FKBP7: variants seen among roughly 807,000 people sequenced by gnomAD.
FKBP7 encodes the protein FKBP prolyl isomerase 7.
Under a neutral mutation model 24.3 loss-of-function variants are expected in FKBP7, and 24 were observed. The observed-to-expected ratio is 0.99, with a 90% CI of 0.72 to 1.39. FKBP7 has a LOEUF of 1.39. Ranked by LOEUF, FKBP7 falls within the 40% of genes most tolerant of loss-of-function variation. The probability of loss-of-function intolerance (pLI) is 0.00; values close to 1 mark genes in which losing one functional copy is unlikely to be tolerated. For synonymous variants in FKBP7, 98 were observed against 92.8 expected (o/e 1.06, Z -0.32); for missense variants, 257 against 269.5 (o/e 0.95, Z 0.33).
chr2:178,475,380 C>G (rs1684971026), intron 2 of FKBP7, among the ~76,000 whole-genome samples: 1 of 152,200 alleles, frequency 6.6e-6, no homozygotes, highest in Admixed American at 6.5e-5. Context: ...CAGGCACACT[C>G]TACCACACCC....
chr2:178,471,465 G>A lies in FKBP7; in HGVS notation c.374-1680C>T, dbSNP rs7572713. ...TGACCTCAAAGGATCCACCCACCTTGGCCTCCCAAAGTGCTGGGATTACAG... is the reference window on the plus strand; with the variant it reads ...TGACCTCAAAGGATCCACCCACCTTAGCCTCCCAAAGTGCTGGGATTACAG... On this transcript the variant is annotated intron_variant, in intron 2 of 3. Coordinates refer to ENST00000424785, the MANE Select transcript of FKBP7 (RefSeq NM_181342.3). Among the ~76,000 whole-genome samples the A allele has an allele frequency of 9.7e-3, 1,469 of 152,206 alleles. 21 individuals carry two copies. Among genetic ancestry groups the A allele is most frequent in the African/African-American group, 0.034 (1,405 of 41,524 alleles).
chr2:178,473,090 C>G lies in FKBP7; in HGVS notation c.374-3305G>C, dbSNP rs1293320562. On this transcript the variant is annotated intron_variant, in intron 2 of 3. Transcript: ENST00000424785. ...GCATTTCAAGACATGCAGGGTTGTT[C>G]TGTGACATGAGACAAGGATATTTTG... The G allele has an allele frequency of 3.8e-6, 5 of 1,305,174 alleles. No homozygotes were observed. In the African/African-American group the frequency reaches 6.1e-5, roughly 16 times the overall value. The allele number at this position is 1,305,174 out of a possible 1,614,324, so 80.8% of individuals were successfully genotyped here.
intron 2 of FKBP7, among the ~76,000 whole-genome samples, chr2:178,475,418 C>T (rs1312069720): frequency 8.5e-5 from 13 of 152,062 alleles, no homozygotes; most frequent in Middle Eastern, 3.4e-3. Context: ...TTAGTGGAGA[C>T]GGGGTTTCAC....
intron 3 of FKBP7, among the ~76,000 whole-genome samples, chr2:178,466,229 G>T (rs1286293338): frequency 6.6e-6 from 1 of 152,108 alleles, no homozygotes; most frequent in African/African-American, 2.4e-5. Flanking sequence ...AATCCATGCT[G>T]TTCCTATTAT....
intron 3 of FKBP7, 125 bp from the exon 4 acceptor site, chr2:178,466,056 A>G: frequency 1.3e-6 from 1 of 748,258 alleles, no homozygotes. Context: ...ATACAACAGT[A>G]TGAAAAGCTA....
chr2:178,478,394 T>C lies in FKBP7; in HGVS notation c.106A>G (p.Lys36Glu), dbSNP rs1685074377. The C allele has an allele frequency of 6.2e-7, 1 of 1,614,236 alleles. No homozygotes were observed. Among genetic ancestry groups the C allele is most frequent in the African/African-American group, 1.3e-5 (1 of 75,056 alleles). ...QKKEESTEEV[K>E]IEVLHRPENC... Reference sequence around the variant, plus strand: ...TCTGGACGATGCAAAACTTCTATTTTCACTTCTTCGGTGCTCTCCTCTTTC... The same window carrying C: ...TCTGGACGATGCAAAACTTCTATTTCCACTTCTTCGGTGCTCTCCTCTTTC... The change falls in exon 1 of 4, where the codon AAA becomes GAA. Residue 36 changes from lysine to glutamate, a missense_variant. Physicochemically the swap from Lys to Glu is moderately conservative, Grantham distance 56 (BLOSUM62 1). Coordinates refer to ENST00000424785, the MANE Select transcript of FKBP7 (RefSeq NM_181342.3).
Position 178,465,912 on chromosome 2 carries a change from C to T in FKBP7, c.527G>A (p.Arg176Lys). 1.2e-6 allele frequency: 2 copies of T among 1,603,728 alleles called. No homozygotes were observed. Among genetic ancestry groups the T allele is most frequent in the Non-Finnish European group, 1.7e-6 (2 of 1,176,798 alleles). ...SKAEINLYLQ[R>K]EFEKDEKPRD... ...TGGCTTCTCATCTTTTTCAAATTCC[C>T]TTTGCAAGTAGAGGTTTATCTGGAA... Residue 176 changes from arginine to lysine, a missense_variant, in exon 4 of 4, where the codon AGG (arginine) becomes AAG (lysine). By Grantham distance (26) the Arg-to-Lys change is conservative. Transcript: ENST00000424785.
rs1047304387 is a variant in FKBP7, at chr2:178,464,540, T to C, written c.*1230A>G. ...ACACTTATAAAACCATCAGATTGCA[T>C]GAGAACAGCACGGGGAAAACCACCC... is the stretch of plus-strand genomic sequence containing the variant. On this transcript the variant is annotated 3_prime_UTR_variant, in exon 4 of 4. Coordinates refer to ENST00000424785, the MANE Select transcript of FKBP7 (RefSeq NM_181342.3). 6.6e-6 allele frequency: 1 copy of C among 152,184 alleles called. No individual in the cohort carries two copies. The highest frequency in any genetic ancestry group is 1.5e-5 in the Non-Finnish European group (1 of 68,040). 9.4% of individuals were successfully genotyped at this position (152,184 alleles called of 1,614,324 possible). A position where few individuals can be genotyped will look rare whatever the true frequency, so the allele number is the denominator to read the frequency against.
chr2:178,469,530 C>A (rs2154126754), intron 3 of FKBP7, 122 bp downstream of exon 3: 1 of 998,650 alleles, frequency 1.0e-6, no homozygotes, highest in East Asian at 2.5e-5. Flanking sequence ...TAGTGACCAG[C>A]TCTATAAAAG....
chr2:178,474,243 A>G (rs115021356), intron 2 of FKBP7, among the ~76,000 whole-genome samples: 1,719 of 152,326 alleles, frequency 0.011, 35 homozygotes, highest in African/African-American at 0.039. Flanking sequence ...TTCTTTCTGT[A>G]TAGCCTTCAA....
In FKBP7 at chr2:178,478,591, C is replaced by A; in HGVS notation, c.-92G>T. The A allele has an allele frequency of 1.3e-6, 2 of 1,560,574 alleles. No individual in the cohort carries two copies. Among genetic ancestry groups the A allele is most frequent in the Admixed American group, 3.8e-5 (2 of 52,650 alleles). On this transcript the variant is annotated 5_prime_UTR_variant, in exon 1 of 4. Coordinates refer to ENST00000424785, the MANE Select transcript of FKBP7 (RefSeq NM_181342.3). ...AGTTCCGACGCGTGGCAGGCGTTGTCCTGCGTCACAAAGGGCCGGGGCGGG... is the reference window on the plus strand; with the variant it reads ...AGTTCCGACGCGTGGCAGGCGTTGTACTGCGTCACAAAGGGCCGGGGCGGG...
At position 178,469,641 on chromosome 2, in the gene FKBP7, GT is replaced by G. The variant is rs753192581; in HGVS notation, c.507+10del. ...AAATTAGACTATACACATGAAATTG[GT>G]TTGAATTACCTCGGCTTTAGAGAGC... On this transcript the variant is annotated intron_variant, in intron 3 of 3. Transcript: ENST00000424785. 38 of 1,613,030 alleles carry G rather than the reference GT, an allele frequency of 2.4e-5. No individual in the cohort carries two copies. The East Asian group carries it at 8.5e-4, about 36-fold the overall frequency.
At chr2:178,468,495 A>AC (rs762287619) in intron 3 of FKBP7, among the ~76,000 whole-genome samples, 1 of 152,038 alleles carries the variant, frequency 6.6e-6, no homozygotes, top group South Asian at 2.1e-4. Context: ...TCTTAAAAAA[A>AC]AAAAAAAAAT....
chr2:178,474,810 C>T (rs1337035111), intron 2 of FKBP7, among the ~76,000 whole-genome samples: 1 of 152,160 alleles, frequency 6.6e-6, no homozygotes, highest in Non-Finnish European at 1.5e-5. Flanking sequence ...ATCTCAGCCC[C>T]CTGAGTAGTT....
At chr2:178,473,621 G>A (rs899123599) in intron 2 of FKBP7, among the ~76,000 whole-genome samples, 1 of 152,240 alleles carries the variant, frequency 6.6e-6, no homozygotes, top group Non-Finnish European at 1.5e-5. Context: ...GATGACAGAT[G>A]TGTGTGCTCT....
intron 3 of FKBP7, among the ~76,000 whole-genome samples, chr2:178,468,929 T>G (rs540763709): frequency 6.6e-6 from 1 of 151,818 alleles, no homozygotes; most frequent in African/African-American, 2.4e-5. Context: ...TGCAGTGGCA[T>G]GATCACAGCT....
In FKBP7 at chr2:178,478,204, A is replaced by G; in HGVS notation, c.221+75T>C. On this transcript the variant is annotated intron_variant, in intron 1 of 3. Coordinates refer to ENST00000424785, the MANE Select transcript of FKBP7 (RefSeq NM_181342.3). The stretch of plus-strand genomic sequence containing the variant: ...AAATAAAACCCCAACCAACCAACCA[A>G]TGAGGCTTCCGCTTGGTGGAGGCAG... The G allele has an allele frequency of 2.6e-6, 4 of 1,553,876 alleles. No homozygotes were observed. The South Asian group carries it at 4.6e-5, about 18-fold the overall frequency.
chr2:178,465,872 A>G lies in FKBP7; in HGVS notation c.567T>C (p.Tyr189=), dbSNP rs142486322. 2 of 1,611,358 alleles carry G rather than the reference A, an allele frequency of 1.2e-6. No homozygotes were observed. Among genetic ancestry groups the G allele is most frequent in the Admixed American group, 1.7e-5 (1 of 59,514 alleles). ...EKDEKPRDKS[Y]QDAVLEDIFK... ...AAATATCTTCTAAAACTGCATCCTG[A>G]TATGACTTGTCACGTGGCTTCTCAT... The change falls in exon 4 of 4, where the codon TAT becomes TAC. Residue 189 remains tyrosine (Y), a synonymous_variant. Transcript: ENST00000424785.
intron 2 of FKBP7, among the ~76,000 whole-genome samples, chr2:178,475,255 AG>A (rs1178106948): frequency 1.3e-5 from 2 of 150,566 alleles, no homozygotes; most frequent in Non-Finnish European, 3.0e-5. Flanking sequence ...TTTGAGATGG[AG>A]TCTCGCTCTG....
Sources: gnomAD v4.1 joint callset for allele counts (sites outside exome capture counted in the v4.1 genomes callset) on GRCh38, gnomAD v4.1.1 for gene constraint, MANE v1.5 for transcripts, NCBI Gene and HGNC (gene_info 2026-07-23, HGNC 2026-07-21) for gene names.